The following TBC1D22A variants were observed in gnomAD, a reference collection of about 807,000 sequenced individuals.
The protein encoded by TBC1D22A is TBC1 domain family member 22A, also known as putative GTPase activator.
TBC1D22A carries 38 observed loss-of-function variants against 60.2 expected under a neutral mutation model. The ratio of observed to expected loss-of-function variants is 0.63; its 90% CI spans 0.49 to 0.83. TBC1D22A has a LOEUF of 0.83. Among genes scored for constraint, TBC1D22A ranks in the 40% least tolerant of loss-of-function variants. The pLI is 0.00. For missense variants in TBC1D22A, 628 were observed against 701.0 expected (o/e 0.90, Z 1.18); for synonymous variants, 302 against 281.7 (o/e 1.07, Z -0.72).
chr22:46,767,897 G>C (rs2083340588), intron 1 of TBC1D22A, among the ~76,000 whole-genome samples: 2 of 152,186 alleles, frequency 1.3e-5, no homozygotes, highest in Non-Finnish European at 2.9e-5. Context: ...GTCATGAAAG[G>C]TGGTGGGGTA....
chr22:46,814,148 AT>A (rs1364814950), intron 4 of TBC1D22A, among the ~76,000 whole-genome samples: 1 of 152,258 alleles, frequency 6.6e-6, no homozygotes, highest in Non-Finnish European at 1.5e-5. Context: ...CTTAAATATT[AT>A]TTAAAATTAC....
chr22:47,125,764 C>A (rs1248440873), intron 12 of TBC1D22A, among the ~76,000 whole-genome samples: 3 of 152,198 alleles, frequency 2.0e-5, no homozygotes, highest in African/African-American at 7.2e-5. Flanking sequence ...ATGTCCCTTG[C>A]CAAGGGCCCC....
chr22:46,879,022 T>C (rs577535578), intron 5 of TBC1D22A, among the ~76,000 whole-genome samples: 4 of 152,268 alleles, frequency 2.6e-5, no homozygotes, highest in African/African-American at 7.2e-5. Context: ...GGTTTCAGCA[T>C]AGATGGTTGT....
intron 12 of TBC1D22A, among the ~76,000 whole-genome samples, chr22:47,138,001 A>G (rs969134440): frequency 6.6e-6 from 1 of 152,124 alleles, no homozygotes; most frequent in Admixed American, 6.6e-5. Context: ...AGTTGTTGCA[A>G]ATGCCGGAGA....
chr22:47,147,686 C>T (rs866583682), intron 12 of TBC1D22A, among the ~76,000 whole-genome samples: 26 of 152,350 alleles, frequency 1.7e-4, no homozygotes, highest in African/African-American at 4.3e-4. Flanking sequence ...GGGACAGGGC[C>T]GGGCTGGGAG....
chr22:46,825,765 A>G (rs955394393), intron 4 of TBC1D22A, among the ~76,000 whole-genome samples: 1 of 152,082 alleles, frequency 6.6e-6, no homozygotes, highest in Non-Finnish European at 1.5e-5. Context: ...ATGAACCACC[A>G]CACCCAGCCT....
At chr22:46,783,355 C>T (rs563386192) in intron 1 of TBC1D22A, among the ~76,000 whole-genome samples, 7 of 152,322 alleles carry the variant, frequency 4.6e-5, no homozygotes, top group Admixed American at 3.3e-4. Context: ...GTCCAGGCCA[C>T]GCACACCTCA....
chr22:47,068,231 C>T (rs1036613208), intron 11 of TBC1D22A, among the ~76,000 whole-genome samples: 1 of 152,224 alleles, frequency 6.6e-6, no homozygotes, highest in African/African-American at 2.4e-5. Flanking sequence ...GCACCACTGT[C>T]GAGGGGAGAG....
At position 46,814,273 on chromosome 22, in the gene TBC1D22A, G is replaced by C. The variant is rs181517412; in HGVS notation, c.637+16653G>C. Among the ~76,000 whole-genome samples the C allele has an allele frequency of 7.2e-5, 11 of 152,290 alleles. No individual in the cohort carries two copies. In the East Asian group the frequency reaches 1.7e-3, roughly 24 times the overall value. ...TGGAGTCCTTGATGTATATTTTCTT[G>C]ATCATTTCTCACAGTAGTCCTGTGA... On this transcript the variant is annotated intron_variant, in intron 4 of 12. Transcript: ENST00000337137.
At chr22:46,807,410 T>C (rs2147003086) in intron 4 of TBC1D22A, among the ~76,000 whole-genome samples, 1 of 152,308 alleles carries the variant, frequency 6.6e-6, no homozygotes, top group East Asian at 1.9e-4. Flanking sequence ...CTGTCTGCTC[T>C]GAGGCCCCAG....
chr22:46,766,006 TA>T (rs1361523036), intron 1 of TBC1D22A, among the ~76,000 whole-genome samples: 16 of 134,038 alleles, frequency 1.2e-4, no homozygotes, highest in Admixed American at 1.1e-3. Flanking sequence ...TGTGTGTGTG[TA>T]TTTTTTTTGA....
chr22:47,142,639 ACCATCCAT>A (rs1264614769), intron 12 of TBC1D22A, among the ~76,000 whole-genome samples: 1 of 113,064 alleles, frequency 8.8e-6, no homozygotes, highest in East Asian at 2.8e-4. Context: ...TCACCTGCCC[ACCATCCAT>A]CCATCCATCC....
chr22:46,782,162 C>G (rs2083968156), intron 1 of TBC1D22A, among the ~76,000 whole-genome samples: 1 of 152,224 alleles, frequency 6.6e-6, no homozygotes, highest in Non-Finnish European at 1.5e-5. Flanking sequence ...TCAAGTGATT[C>G]TTCTGCCTCA....
chr22:46,840,963 G>A (rs149386921), intron 4 of TBC1D22A, among the ~76,000 whole-genome samples: 17 of 152,036 alleles, frequency 1.1e-4, no homozygotes, highest in African/African-American at 3.6e-4. Flanking sequence ...TTGTACCTTC[G>A]TGTTCATTGC....
intron 12 of TBC1D22A, among the ~76,000 whole-genome samples, chr22:47,149,850 C>A (rs1315845464): frequency 6.6e-6 from 1 of 152,190 alleles, no homozygotes; most frequent in Admixed American, 6.5e-5. Flanking sequence ...TCACCTCCAC[C>A]TTAATGGGAT....
At chr22:46,963,383 G>GGTCCCGCAGTGCTCATCGCACTGC (rs1177576315) in intron 8 of TBC1D22A, among the ~76,000 whole-genome samples, 1 of 71,714 alleles carries the variant, frequency 1.4e-5, no homozygotes, top group Non-Finnish European at 2.7e-5. Context: ...AGTGCCCAAG[G>GGTCCCGCAGTGCTCATCGCACTGC]CTGGAAAGGC....
At chr22:46,848,619 T>C (rs2087129032) in intron 4 of TBC1D22A, among the ~76,000 whole-genome samples, 1 of 152,206 alleles carries the variant, frequency 6.6e-6, no homozygotes, top group Non-Finnish European at 1.5e-5. Flanking sequence ...TATTGCCTTT[T>C]TCTTGGTAAC....
chr22:47,046,155 C>T (rs542628059), intron 11 of TBC1D22A, among the ~76,000 whole-genome samples: 11 of 152,008 alleles, frequency 7.2e-5, no homozygotes, highest in Non-Finnish European at 1.3e-4. Flanking sequence ...GGTACAAAGG[C>T]CTTGCCCCAC....
chr22:47,037,213 G>A lies in TBC1D22A; in HGVS notation c.1329+15G>A, dbSNP rs746137829. On this transcript the variant is annotated intron_variant, in intron 11 of 12. Coordinates refer to ENST00000337137, the MANE Select transcript of TBC1D22A (RefSeq NM_014346.5). ...ACACCTACCAGGTGAGCTCTCCTTC[G>A]CACCCTCCGCCATGGGGGTGCCAGG... 27 of 1,611,594 alleles carry A rather than the reference G, an allele frequency of 1.7e-5. No individual in the cohort carries two copies. Among genetic ancestry groups the A allele is most frequent in the African/African-American group, 1.6e-4 (12 of 74,888 alleles).
Sources: gnomAD v4.1 joint callset for allele counts (sites outside exome capture counted in the v4.1 genomes callset) on GRCh38, gnomAD v4.1.1 for gene constraint, MANE v1.5 for transcripts, NCBI Gene and HGNC (gene_info 2026-07-23, HGNC 2026-07-21) for gene names.